Variants in NBAS observed in about 807,000 individuals in gnomAD.
NBAS encodes the protein NBAS subunit of NRZ tethering complex.
NBAS carries 219 observed loss-of-function variants against 302.5 expected under a neutral mutation model. The ratio of observed to expected loss-of-function variants is 0.72; its 90% CI spans 0.65 to 0.81. NBAS has a LOEUF of 0.81. Among genes scored for constraint, NBAS ranks in the 30% least tolerant of loss-of-function variants. The pLI, the probability that NBAS is intolerant of heterozygous loss-of-function variation, is 0.00. For synonymous variants in NBAS, 1,118 were observed against 1,021.6 expected, an observed-to-expected ratio of 1.09 and a Z score of -1.80; for missense variants, 2,932 against 2,841.6, an observed-to-expected ratio of 1.03 and a Z score of -0.72.
At chr2:14,787,439 T>C in the NBAS span, among the ~76,000 whole-genome samples, 1 of 152,242 alleles carries the variant, frequency 6.6e-6, no homozygotes, top group African/African-American at 2.4e-5. Flanking sequence ...CAATTTGGCA[T>C]GATTTTGCAG....
At chr2:15,086,232 C>G in the NBAS span, among the ~76,000 whole-genome samples, 2 of 152,172 alleles carry the variant, frequency 1.3e-5, no homozygotes, top group African/African-American at 4.8e-5. Flanking sequence ...CAGAGAGGAG[C>G]AACCTATCCC....
chr2:15,552,083 A>T (rs1376759009), intron 5 of NBAS, among the ~76,000 whole-genome samples: 25 of 152,232 alleles, frequency 1.6e-4, no homozygotes, highest in Admixed American at 1.4e-3. Context: ...TATGTTTAAA[A>T]ATGAAAACTG....
At chr2:15,451,099 T>C (rs1678985179) in intron 21 of NBAS, among the ~76,000 whole-genome samples, 1 of 152,186 alleles carries the variant, frequency 6.6e-6, no homozygotes. Flanking sequence ...TTGCCCAGAC[T>C]GGAGTACAGT....
intron 40 of NBAS, among the ~76,000 whole-genome samples, chr2:15,292,968 C>G (rs1488693074): frequency 6.6e-6 from 1 of 152,148 alleles, no homozygotes; most frequent in Non-Finnish European, 1.5e-5. Flanking sequence ...AGACAGGACA[C>G]AGAACTAGGC....
At chr2:15,477,996 T>G (rs1466597282) in intron 13 of NBAS, among the ~76,000 whole-genome samples, 2 of 82,170 alleles carry the variant, frequency 2.4e-5, no homozygotes, top group African/African-American at 9.0e-5. Flanking sequence ...TTCTAAGCAT[T>G]GAACTCAGTG....
chr2:15,017,816 G>A, the NBAS span, among the ~76,000 whole-genome samples: 1 of 152,024 alleles, frequency 6.6e-6, no homozygotes. Context: ...CAAAGGAAAT[G>A]AAATCAGTAT....
the NBAS span, among the ~76,000 whole-genome samples, chr2:14,863,140 A>C: frequency 1.3e-5 from 2 of 152,240 alleles, no homozygotes; most frequent in East Asian, 1.9e-4. Context: ...GCAGAAGAGC[A>C]TGACATAGCT....
At chr2:15,098,429 A>G in the NBAS span, among the ~76,000 whole-genome samples, 30 of 86,010 alleles carry the variant, frequency 3.5e-4, 2 homozygotes, top group African/African-American at 1.4e-3. Context: ...TATATTATAT[A>G]TTATATATTG....
intron 11 of NBAS, among the ~76,000 whole-genome samples, chr2:15,496,377 G>A (rs557551628): frequency 1.3e-5 from 2 of 152,214 alleles, no homozygotes; most frequent in South Asian, 2.1e-4. Flanking sequence ...TTTCCAGAGC[G>A]ATAAGATGTT....
chr2:15,484,411 C>T (rs971582502), intron 12 of NBAS, among the ~76,000 whole-genome samples: 1 of 152,046 alleles, frequency 6.6e-6, no homozygotes, highest in Non-Finnish European at 1.5e-5. Context: ...TCAAGTTAAC[C>T]TCTTTTAGCA....
At chr2:14,921,036 C>T in the NBAS span, among the ~76,000 whole-genome samples, 1 of 152,080 alleles carries the variant, frequency 6.6e-6, no homozygotes, top group Non-Finnish European at 1.5e-5. Flanking sequence ...ACATGCCTTT[C>T]TCACTAAGCT....
At position 15,292,648 on chromosome 2, in the gene NBAS, A is replaced by G. The variant is rs1342235164; in HGVS notation, c.4916T>C (p.Leu1639Pro). 1.9e-6 allele frequency: 3 copies of G among 1,614,094 alleles called. No individual in the cohort carries two copies. Among genetic ancestry groups the G allele is most frequent in the Non-Finnish European group, 2.5e-6 (3 of 1,180,056 alleles). The change falls in exon 41 of 52, where the codon CTC becomes CCC. Residue 1639 changes from leucine to proline, a missense_variant. Coordinates refer to ENST00000281513, the MANE Select transcript of NBAS (RefSeq NM_015909.4). Reference protein sequence around the residue: ...TKQLHCYNERLLDFTQAQILQ... With the variant: ...TKQLHCYNERPLDFTQAQILQ... ...GATCTGCGCCTGAGTGAAATCCAGG[A>G]GACGTTCATTGTAGCAGTGTAACTG... is the stretch of plus-strand genomic sequence containing the variant.
At chr2:15,168,262 T>C (rs574444516) in intron 51 of NBAS, among the ~76,000 whole-genome samples, 1 of 152,300 alleles carries the variant, frequency 6.6e-6, no homozygotes, top group East Asian at 1.9e-4. Flanking sequence ...TTAACTAACG[T>C]TTAGACCAAC....
At chr2:15,219,073 C>G (rs1213961760) in intron 47 of NBAS, 105 bp from the exon 48 acceptor site, 2 of 1,418,422 alleles carry the variant, frequency 1.4e-6, no homozygotes, top group Non-Finnish European at 1.9e-6. Flanking sequence ...TGTTGGATGA[C>G]TTCGTTTTTT....
At chr2:15,213,722 C>T (rs550226008) in intron 48 of NBAS, among the ~76,000 whole-genome samples, 3 of 152,322 alleles carry the variant, frequency 2.0e-5, no homozygotes, top group Admixed American at 1.3e-4. Context: ...ACATAGTACA[C>T]ATTCCAGGGT....
chr2:15,455,526 G>C (rs1453357227), intron 21 of NBAS, among the ~76,000 whole-genome samples: 1 of 152,016 alleles, frequency 6.6e-6, no homozygotes, highest in Non-Finnish European at 1.5e-5. Context: ...ATAAGTATAT[G>C]AAGTATATAA....
At chr2:15,059,612 G>A in the NBAS span, among the ~76,000 whole-genome samples, 1 of 152,084 alleles carries the variant, frequency 6.6e-6, no homozygotes, top group South Asian at 2.1e-4. Flanking sequence ...CCCTCGCACT[G>A]ACCTGATTAG....
chr2:15,340,875 C>T (rs1019833801), intron 35 of NBAS, among the ~76,000 whole-genome samples: 13 of 152,018 alleles, frequency 8.6e-5, no homozygotes, highest in Non-Finnish European at 1.3e-4. Flanking sequence ...CCACGAACTT[C>T]GCAACAAGAG....
intron 35 of NBAS, among the ~76,000 whole-genome samples, chr2:15,340,736 C>A (rs1422048385): frequency 2.0e-5 from 3 of 152,068 alleles, no homozygotes; most frequent in Non-Finnish European, 4.4e-5. Context: ...GAGATGAGGA[C>A]AAACCAGCAA....
Sources: gnomAD v4.1 joint callset for allele counts (sites outside exome capture counted in the v4.1 genomes callset) on GRCh38, gnomAD v4.1.1 for gene constraint, MANE v1.5 for transcripts, NCBI Gene and HGNC (gene_info 2026-07-23, HGNC 2026-07-21) for gene names.